The following NFRKB variants were observed in gnomAD, a reference collection of about 807,000 sequenced individuals.
The protein encoded by NFRKB is nuclear factor related to kappa-B-binding protein.
NFRKB carries 62 observed loss-of-function variants against 135.7 expected under a neutral mutation model. The observed-to-expected ratio is 0.46, with a 90% CI of 0.37 to 0.56. The LOEUF (loss-of-function observed/expected upper bound fraction) is 0.56, where lower values mean the gene tolerates loss of function less well. Among genes scored for constraint, NFRKB ranks in the 20% least tolerant of loss-of-function variants. The pLI, the probability that NFRKB is intolerant of heterozygous loss-of-function variation, is 0.00. For synonymous variants in NFRKB, 678 were observed against 635.6 expected (o/e 1.07, Z -1.00); for missense variants, 1,545 against 1,662.0 (o/e 0.93, Z 1.22).
At position 129,880,999 on chromosome 11, in the gene NFRKB, T is replaced by C. The variant is rs897194395; in HGVS notation, c.1384+444A>G. Among the ~76,000 whole-genome samples the C allele has an allele frequency of 5.3e-5, 8 of 152,202 alleles. No individual in the cohort carries two copies. The South Asian group carries it at 1.7e-3, about 31-fold the overall frequency. On this transcript the variant is annotated intron_variant, in intron 13 of 26. Coordinates refer to ENST00000682444, the MANE Select transcript of NFRKB (RefSeq NM_001143835.2). ...ATGTTATGACAACTTACACACTAAG[T>C]GGGCTTTATAAACTTAAAAATAACA...
Position 129,882,500 on chromosome 11 carries a change from G to A in NFRKB, c.1033C>T (p.Pro345Ser), listed in dbSNP as rs369279745. The stretch of plus-strand genomic sequence containing the variant: ...AGCGGAGAGGGGGCCTGTGAGAGAG[G>A]TGCGACCCCTTCAGTACTGCTTAGC... ...EPLSSTEGVA[P>S]LSQAPSPLAI... The change falls in exon 10 of 27, where the codon CCT becomes TCT. Residue 345 changes from proline (P) to serine (S), a missense_variant. Physicochemically the swap from Pro to Ser is moderately conservative, Grantham distance 74. This residue lies in a region of NFRKB where 678 missense variants were observed against 646.7 expected (regional missense o/e 1.05). Transcript: ENST00000682444. 7 of 1,613,888 alleles carry A rather than the reference G, an allele frequency of 4.3e-6. No homozygotes were observed. Among genetic ancestry groups the A allele is most frequent in the African/African-American group, 1.3e-5 (1 of 74,908 alleles).
At chr11:129,888,941 C>G in intron 3 of NFRKB, 146 bp from the exon 4 acceptor site, 1 of 601,640 alleles carries the variant, frequency 1.7e-6, no homozygotes, top group Non-Finnish European at 2.9e-6. Context: ...TAAGTGCATT[C>G]ACATTTGCTG....
Position 129,873,915 on chromosome 11 carries a change from C to A in NFRKB, c.2380G>T (p.Val794Leu), listed in dbSNP as rs761143487. ...APSSQAAARV[V>L]SHSGSAGLSQ... ...AGTCCAGCAGAGCCAGAGTGGCTCA[C>A]GACCCGGGCGGCAGCCTGAGAACTG... The change falls in exon 22 of 27, where the codon GTG becomes TTG. Residue 794 changes from valine to leucine, a missense_variant. Transcript: ENST00000682444. 17 of 1,613,528 alleles carry A rather than the reference C, an allele frequency of 1.1e-5. No individual in the cohort carries two copies. The highest frequency in any genetic ancestry group is 1.4e-5 in the Non-Finnish European group (16 of 1,180,028).
rs1271901486 is a variant in NFRKB at position 129,873,108 on chromosome 11, C to T, written c.2551-12G>A. 2 of 1,578,818 alleles carry T rather than the reference C, an allele frequency of 1.3e-6. No individual in the cohort carries two copies. The highest frequency in any genetic ancestry group is 2.7e-5 in the African/African-American group (2 of 74,158). On this transcript the variant is annotated splice_polypyrimidine_tract_variant and intron_variant, in intron 22 of 26. Coordinates refer to ENST00000682444, the MANE Select transcript of NFRKB (RefSeq NM_001143835.2). The stretch of plus-strand genomic sequence containing the variant: ...GTGGCCATTACTGTCTAGTTGAGGG[C>T]ATGAGGCCAAGAGCTTAATTAGACT...
At chr11:129,872,340 G>A (rs1287570824) in intron 23 of NFRKB, among the ~76,000 whole-genome samples, 2 of 151,980 alleles carry the variant, frequency 1.3e-5, no homozygotes, top group African/African-American at 2.4e-5. Flanking sequence ...TTACTTTATC[G>A]TTATGTGGTT....
chr11:129,869,102 G>C (rs1948363398), intron 24 of NFRKB, among the ~76,000 whole-genome samples: 1 of 152,182 alleles, frequency 6.6e-6, no homozygotes, highest in South Asian at 2.1e-4. Context: ...GTACATGTAT[G>C]AAAATGCTCA....
rs1277872648 is a variant in NFRKB, at chr11:129,875,581, C to T, written c.1748-118G>A. 15 of 686,960 alleles carry T rather than the reference C, an allele frequency of 2.2e-5. No individual in the cohort carries two copies. The East Asian group carries it at 4.0e-4, about 18-fold the overall frequency. The allele number at this position is 686,960 out of a possible 1,614,324, so 42.6% of individuals were successfully genotyped here. On this transcript the variant is annotated intron_variant, in intron 17 of 26. Transcript: ENST00000682444. ...TGGGGTTCCTGCTCCTCTACCTTCC[C>T]TGATGCCGGATTAGGTGCACTCTGC...
At chr11:129,878,443 G>GT in intron 14 of NFRKB, 21 bp downstream of exon 14, 1 of 1,612,982 alleles carries the variant, frequency 6.2e-7, no homozygotes, top group Non-Finnish European at 8.5e-7. Flanking sequence ...GAAGGATCTG[G>GT]TATTTCTTAA....
chr11:129,882,532 G>A lies in NFRKB; in HGVS notation c.1001C>T (p.Ala334Val), dbSNP rs540764570. 1 of 1,613,888 alleles carries A rather than the reference G, an allele frequency of 6.2e-7. No individual in the cohort carries two copies. The highest frequency in any genetic ancestry group is 2.2e-5 in the East Asian group (1 of 44,900). The change falls in exon 10 of 27, where the codon GCC becomes GTC. Residue 334 changes from alanine to valine, a missense_variant. Ala to Val is a moderately conservative substitution (Grantham distance 64). Transcript: ENST00000682444. ...KTIKSEAEDL[A>V]EPLSSTEGVA... ...CCCTTCAGTACTGCTTAGCGGCTCG[G>A]CCAGGTCCTCTGCCTCTGATTTGAT...
intron 24 of NFRKB, among the ~76,000 whole-genome samples, chr11:129,868,166 T>C (rs1215846735): frequency 6.6e-6 from 1 of 152,184 alleles, no homozygotes; most frequent in Non-Finnish European, 1.5e-5. Context: ...GGTTAAAAGA[T>C]GACAGACTGG....
At chr11:129,888,407 T>C (rs1565422683) in intron 4 of NFRKB, 187 bp downstream of exon 4, 1 of 702,574 alleles carries the variant, frequency 1.4e-6, no homozygotes, top group Non-Finnish European at 2.6e-6. Context: ...ATTTTCTATA[T>C]AAGTCAATAC....
At chr11:129,888,207 AGT>A in intron 4 of NFRKB, 1 of 502,770 alleles carries the variant, frequency 2.0e-6, no homozygotes, top group Non-Finnish European at 3.5e-6. Context: ...TGCAGCAAAA[AGT>A]GTGTGTGTAC....
chr11:129,882,470 T>A lies in NFRKB; in HGVS notation c.1063A>T (p.Ile355Phe). ...PLSQAPSPLA[I>F]PAIKEEPLED... ...ACTTACTCTTCCTTGATAGCAGGAA[T>A]TGCCAGCGGAGAGGGGGCCTGTGAG... Residue 355 changes from isoleucine to phenylalanine, a missense_variant, in exon 10 of 27, where the codon ATT becomes TTT. Ile to Phe is a conservative substitution (Grantham distance 21). Transcript: ENST00000682444. 6.2e-7 allele frequency: 1 copy of A among 1,613,182 alleles called. No homozygotes were observed. Among genetic ancestry groups the A allele is most frequent in the Non-Finnish European group, 8.5e-7 (1 of 1,179,708 alleles).
chr11:129,890,860 G>A (rs1451907608), intron 3 of NFRKB, among the ~76,000 whole-genome samples: 2 of 152,148 alleles, frequency 1.3e-5, no homozygotes, highest in Non-Finnish European at 2.9e-5. Flanking sequence ...TGTAGGTTTT[G>A]TTTAATGTTC....
At chr11:129,873,639 TA>T (rs1193682929) in intron 22 of NFRKB, 105 bp downstream of exon 22, 3 of 1,448,638 alleles carry the variant, frequency 2.1e-6, no homozygotes, top group Admixed American at 2.0e-5. Flanking sequence ...CCAGTAGCAA[TA>T]ATCTATGGCT....
At chr11:129,887,827 G>A (rs931355934) in intron 4 of NFRKB, among the ~76,000 whole-genome samples, 23 of 152,344 alleles carry the variant, frequency 1.5e-4, no homozygotes, top group African/African-American at 5.3e-4. Flanking sequence ...CACGAGGTCA[G>A]GAGATCGAGA....
chr11:129,875,510 T>C (rs1948719609), intron 17 of NFRKB, 47 bp from the exon 18 acceptor site: 2 of 1,466,180 alleles, frequency 1.4e-6, no homozygotes, highest in Admixed American at 3.9e-5. Context: ...GCAGGGTTCC[T>C]ACGGAGGTAC....
intron 23 of NFRKB, among the ~76,000 whole-genome samples, chr11:129,870,941 C>T (rs1343762629): frequency 2.0e-5 from 3 of 152,190 alleles, no homozygotes; most frequent in Admixed American, 2.0e-4. Context: ...ACTCCACATT[C>T]AACTCCAGTT....
At chr11:129,881,956 C>T (rs963488646) in intron 11 of NFRKB, 103 bp from the exon 12 acceptor site, 9 of 1,502,722 alleles carry the variant, frequency 6.0e-6, no homozygotes, top group African/African-American at 5.6e-5. Flanking sequence ...GGTGTTTGTC[C>T]GAATCACAAA....
Sources: gnomAD v4.1 joint callset for allele counts (sites outside exome capture counted in the v4.1 genomes callset) on GRCh38, gnomAD v4.1.1 for gene constraint, gnomAD v4.1.1 regional missense constraint, MANE v1.5 for transcripts, NCBI Gene and HGNC (gene_info 2026-07-23, HGNC 2026-07-21) for gene names.